The following AKAP19 variants were observed in gnomAD, a reference collection of about 807,000 sequenced individuals.
AKAP19 encodes the protein A-kinase anchoring protein 19, also known as small A-kinase anchoring protein.
chr2:189,923,636 G>T, the AKAP19 span: 1 of 1,614,120 alleles, frequency 6.2e-7, no homozygotes, highest in Non-Finnish European at 8.5e-7. Flanking sequence ...GAAACGATCT[G>T]CAGCGGAGAT....
chr2:189,923,924 T>C, the AKAP19 span: 42,457 of 1,604,806 alleles, frequency 0.026, no homozygotes, highest in Non-Finnish European at 0.03. Flanking sequence ...AGTGGATTCT[T>C]TCCTGGAAAA....
At chr2:189,959,680 T>C in the AKAP19 span, among the ~76,000 whole-genome samples, 1 of 152,210 alleles carries the variant, frequency 6.6e-6, no homozygotes, top group African/African-American at 2.4e-5. Flanking sequence ...AGAACACTAG[T>C]AGTAATTGTA....
At chr2:189,992,309 G>A in the AKAP19 span, among the ~76,000 whole-genome samples, 1 of 152,094 alleles carries the variant, frequency 6.6e-6, no homozygotes, top group Non-Finnish European at 1.5e-5. Flanking sequence ...ACCTGCCTCA[G>A]CCTCCCAAAG....
chr2:190,196,868 T>C, the AKAP19 span, among the ~76,000 whole-genome samples: 1 of 152,192 alleles, frequency 6.6e-6, no homozygotes, highest in Non-Finnish European at 1.5e-5. Context: ...CCATTCAGGA[T>C]GGTATAACAA....
chr2:190,149,947 C>A, the AKAP19 span, among the ~76,000 whole-genome samples: 1 of 152,094 alleles, frequency 6.6e-6, no homozygotes, highest in Non-Finnish European at 1.5e-5. Flanking sequence ...TGTGTTGCTG[C>A]CTATCTCTAG....
chr2:190,128,756 CAACAA>C, the AKAP19 span, among the ~76,000 whole-genome samples: 1 of 152,088 alleles, frequency 6.6e-6, no homozygotes, highest in South Asian at 2.1e-4. Flanking sequence ...ACAAAACAAA[CAACAA>C]AACCCTCAAT....
the AKAP19 span, chr2:190,057,654 A>G: frequency 5.0e-6 from 8 of 1,612,526 alleles, no homozygotes; most frequent in Non-Finnish European, 6.8e-6. Flanking sequence ...TGAAAAGGAA[A>G]GAACAATCAG....
chr2:189,881,147 C>A, the AKAP19 span, among the ~76,000 whole-genome samples: 1 of 148,352 alleles, frequency 6.7e-6, no homozygotes, highest in Admixed American at 6.6e-5. Flanking sequence ...TGAAAAATGA[C>A]TTGAGATTGT....
the AKAP19 span, among the ~76,000 whole-genome samples, chr2:190,158,519 A>G: frequency 6.6e-6 from 1 of 152,252 alleles, no homozygotes; most frequent in Non-Finnish European, 1.5e-5. Context: ...AAATATTTAT[A>G]TACTTTAAAT....
the AKAP19 span, among the ~76,000 whole-genome samples, chr2:190,001,918 C>G: frequency 6.6e-6 from 1 of 152,198 alleles, no homozygotes; most frequent in Non-Finnish European, 1.5e-5. Context: ...TAGAGTCAAG[C>G]CATTGGCCCC....
At chr2:189,973,718 G>C in the AKAP19 span, among the ~76,000 whole-genome samples, 8 of 152,266 alleles carry the variant, frequency 5.3e-5, no homozygotes, top group South Asian at 1.7e-3. Context: ...TTGGGAGGTT[G>C]TATGTGTCCA....
the AKAP19 span, among the ~76,000 whole-genome samples, chr2:190,165,521 A>T: frequency 6.6e-6 from 1 of 152,212 alleles, no homozygotes; most frequent in South Asian, 2.1e-4. Flanking sequence ...ACAAAAATTA[A>T]CCCAAAGCAT....
chr2:190,106,233 T>C, the AKAP19 span, among the ~76,000 whole-genome samples: 1 of 152,360 alleles, frequency 6.6e-6, no homozygotes, highest in South Asian at 2.1e-4. Context: ...GCCTCTATGA[T>C]ATCTGTTCTG....
the AKAP19 span, among the ~76,000 whole-genome samples, chr2:190,168,114 G>A: frequency 6.6e-6 from 1 of 152,172 alleles, no homozygotes; most frequent in African/African-American, 2.4e-5. Flanking sequence ...CTGAAATCTA[G>A]GCAGAGGTTC....
the AKAP19 span, among the ~76,000 whole-genome samples, chr2:189,994,577 GATTATT>G: frequency 1.3e-5 from 2 of 151,568 alleles, no homozygotes; most frequent in Non-Finnish European, 2.9e-5. Flanking sequence ...TTCTGGAGCA[GATTATT>G]ATTATTATTG....
the AKAP19 span, among the ~76,000 whole-genome samples, chr2:190,006,871 T>A: frequency 3.0e-3 from 454 of 151,848 alleles, no homozygotes; most frequent in African/African-American, 0.01. Context: ...ACAAAAAAAA[T>A]TAGCCAGGCG....
At chr2:190,017,994 T>C in the AKAP19 span, among the ~76,000 whole-genome samples, 1 of 152,220 alleles carries the variant, frequency 6.6e-6, no homozygotes, top group Admixed American at 6.5e-5. Context: ...TCTGTAAGGT[T>C]TCTGCTGAGA....
At chr2:190,059,225 A>G in the AKAP19 span, among the ~76,000 whole-genome samples, 3 of 151,968 alleles carry the variant, frequency 2.0e-5, no homozygotes, top group African/African-American at 7.2e-5. Flanking sequence ...ATGTGATCAC[A>G]TTAAGTATTT....
the AKAP19 span, among the ~76,000 whole-genome samples, chr2:189,957,447 A>G: frequency 5.9e-5 from 9 of 152,202 alleles, no homozygotes; most frequent in Non-Finnish European, 1.2e-4. Context: ...AAAAGTTTTC[A>G]GAAATCTATG....
Sources: gnomAD v4.1 joint callset for allele counts (sites outside exome capture counted in the v4.1 genomes callset) on GRCh38, gnomAD v4.1.1 for gene constraint, MANE v1.5 for transcripts, NCBI Gene and HGNC (gene_info 2026-07-23, HGNC 2026-07-21) for gene names.